RPS6KA5: variants seen among roughly 807,000 people sequenced by gnomAD.
RPS6KA5 encodes the protein ribosomal protein S6 kinase A5.
RPS6KA5 carries 27 observed loss-of-function variants against 85.5 expected under a neutral mutation model. The ratio of observed to expected loss-of-function variants is 0.32; its 90% CI spans 0.23 to 0.44. The LOEUF is 0.44. Ranked by LOEUF, RPS6KA5 falls within the 20% of genes least tolerant of loss-of-function variation. The pLI, the probability that RPS6KA5 is intolerant of heterozygous loss-of-function variation, is 1.00. For missense variants in RPS6KA5, 811 were observed against 980.9 expected, an observed-to-expected ratio of 0.83 and a Z score of 2.31; for synonymous variants, 334 against 348.2, an observed-to-expected ratio of 0.96 and a Z score of 0.46.
chr14:91,035,144 G>A (rs1473516811), intron 1 of RPS6KA5, among the ~76,000 whole-genome samples: 3 of 151,280 alleles, frequency 2.0e-5, no homozygotes, highest in Admixed American at 6.6e-5. Flanking sequence ...AAAGTACACA[G>A]AAACTTCTGG....
rs2032729376 is a variant in RPS6KA5, at chr14:90,864,757, A to G, written c.*7317T>C. ...TTAATTGAGGATAGCCAAATGACTAATAAAAATATAAAAAGGTGTTCCACA... is the reference window on the plus strand; with the variant it reads ...TTAATTGAGGATAGCCAAATGACTAGTAAAAATATAAAAAGGTGTTCCACA... On this transcript the variant is annotated 3_prime_UTR_variant, in exon 17 of 17. Coordinates refer to ENST00000614987, the MANE Select transcript of RPS6KA5 (RefSeq NM_004755.4). 1 of 152,236 alleles carries G rather than the reference A, an allele frequency of 6.6e-6. No homozygotes were observed. The highest frequency in any genetic ancestry group is 2.4e-5 in the African/African-American group (1 of 41,462). 9.4% of individuals were successfully genotyped at this position (152,236 alleles called of 1,614,324 possible).
At chr14:90,885,113 C>A (rs1055371145) in intron 14 of RPS6KA5, among the ~76,000 whole-genome samples, 5 of 151,898 alleles carry the variant, frequency 3.3e-5, no homozygotes, top group African/African-American at 1.2e-4. Context: ...ATTAGCTGGG[C>A]ATGGTGGTGT....
intron 5 of RPS6KA5, among the ~76,000 whole-genome samples, chr14:90,936,990 T>C (rs7158596): frequency 0.033 from 4,956 of 151,854 alleles, 269 homozygotes; most frequent in African/African-American, 0.11. Context: ...GAAGAGAAGG[T>C]TGGCCAAGAG....
At chr14:90,896,142 C>G (rs2034823436) in intron 12 of RPS6KA5, among the ~76,000 whole-genome samples, 1 of 152,118 alleles carries the variant, frequency 6.6e-6, no homozygotes, top group Non-Finnish European at 1.5e-5. Flanking sequence ...AAAATTGCTC[C>G]CAGCCTACTA....
intron 5 of RPS6KA5, among the ~76,000 whole-genome samples, chr14:90,939,383 C>G (rs1330389403): frequency 6.6e-6 from 1 of 152,212 alleles, no homozygotes. Flanking sequence ...CTGTTCCAAC[C>G]TCTGCCTGTT....
At chr14:90,963,753 T>A (rs550208232) in intron 3 of RPS6KA5, among the ~76,000 whole-genome samples, 3 of 152,198 alleles carry the variant, frequency 2.0e-5, no homozygotes, top group African/African-American at 7.2e-5. Flanking sequence ...TCAGAGAGAT[T>A]AGGCGACTTG....
At chr14:90,944,461 T>A (rs2037761197) in intron 4 of RPS6KA5, among the ~76,000 whole-genome samples, 1 of 150,790 alleles carries the variant, frequency 6.6e-6, no homozygotes, top group South Asian at 2.1e-4. Flanking sequence ...CAAAAAATTT[T>A]AAAAATTAGC....
intron 1 of RPS6KA5, among the ~76,000 whole-genome samples, chr14:91,005,349 G>A (rs976422062): frequency 6.6e-6 from 1 of 152,186 alleles, no homozygotes; most frequent in Non-Finnish European, 1.5e-5. Flanking sequence ...AAGGTGATAT[G>A]ATATAGGCCC....
intron 3 of RPS6KA5, among the ~76,000 whole-genome samples, chr14:90,950,423 A>G (rs1453311701): frequency 6.6e-6 from 1 of 152,078 alleles, no homozygotes; most frequent in African/African-American, 2.4e-5. Flanking sequence ...TTTCTTGCCT[A>G]CAATGTTGAA....
At chr14:91,049,873 C>T (rs1392019079) in intron 1 of RPS6KA5, among the ~76,000 whole-genome samples, 1 of 152,126 alleles carries the variant, frequency 6.6e-6, no homozygotes, top group East Asian at 1.9e-4. Flanking sequence ...GTACTGAATA[C>T]CATAGGCAAC....
chr14:91,033,260 A>G (rs1595518250), intron 1 of RPS6KA5, among the ~76,000 whole-genome samples: 1 of 152,114 alleles, frequency 6.6e-6, no homozygotes, highest in Admixed American at 6.5e-5. Context: ...TTAAAATCAC[A>G]ATAAGATGAC....
chr14:90,962,535 C>T (rs993520832), intron 3 of RPS6KA5, among the ~76,000 whole-genome samples: 3 of 151,980 alleles, frequency 2.0e-5, no homozygotes, highest in African/African-American at 7.2e-5. Context: ...GATCTGCCCT[C>T]CTTGGCCTCC....
intron 1 of RPS6KA5, among the ~76,000 whole-genome samples, chr14:91,012,138 GA>G (rs1164098146): frequency 1.3e-5 from 2 of 152,030 alleles, no homozygotes; most frequent in African/African-American, 4.8e-5. Context: ...AAAAAAGAGG[GA>G]AACAAAGCCT....
At chr14:90,898,273 T>A (rs967467744) in intron 12 of RPS6KA5, among the ~76,000 whole-genome samples, 1 of 152,140 alleles carries the variant, frequency 6.6e-6, no homozygotes, top group African/African-American at 2.4e-5. Context: ...AATAAGACAA[T>A]ACATGCAGAG....
chr14:90,940,399 C>T (rs1469208180), intron 5 of RPS6KA5, among the ~76,000 whole-genome samples: 2 of 152,184 alleles, frequency 1.3e-5, no homozygotes, highest in Non-Finnish European at 2.9e-5. Flanking sequence ...GTTGACACGA[C>T]TAGCAGCAAA....
chr14:91,055,180 A>G (rs1204221580), intron 1 of RPS6KA5, among the ~76,000 whole-genome samples: 3 of 152,174 alleles, frequency 2.0e-5, no homozygotes, highest in Non-Finnish European at 4.4e-5. Flanking sequence ...ATATAAAATG[A>G]TACAGCCACT....
chr14:90,981,134 G>A (rs540259085), intron 2 of RPS6KA5, among the ~76,000 whole-genome samples: 9 of 152,352 alleles, frequency 5.9e-5, no homozygotes, highest in South Asian at 4.1e-4. Context: ...GCGTGCCATC[G>A]CACTGCAGCC....
At chr14:90,962,307 C>T (rs2038842753) in intron 3 of RPS6KA5, among the ~76,000 whole-genome samples, 1 of 60,586 alleles carries the variant, frequency 1.7e-5, no homozygotes, top group South Asian at 6.5e-4. Context: ...TATCTTGGCA[C>T]AGTTTTTTTT....
chr14:90,971,545 A>G, intron 3 of RPS6KA5, among the ~76,000 whole-genome samples: 1 of 152,242 alleles, frequency 6.6e-6, no homozygotes, highest in East Asian at 1.9e-4. Flanking sequence ...CAGTTCAAGT[A>G]GAAATGCTAG....
Sources: allele counts gnomAD v4.1 joint callset (sites outside exome capture counted in the v4.1 genomes callset), GRCh38; gene constraint gnomAD v4.1.1; transcripts MANE v1.5; gene names NCBI Gene and HGNC (gene_info 2026-07-23, HGNC 2026-07-21).